Variants in CRYL1 observed in about 807,000 individuals in gnomAD.
CRYL1 encodes the protein crystallin lambda 1.
A neutral mutation model predicts 36.6 loss-of-function variants in CRYL1; 29 were observed. That is an observed-to-expected ratio of 0.79 (90% CI 0.59 to 1.08). The LOEUF (loss-of-function observed/expected upper bound fraction) is 1.08, where lower values mean the gene tolerates loss of function less well. CRYL1 is among the 50% of genes least tolerant of loss of function. CRYL1 has a pLI of 0.00. For synonymous variants in CRYL1, 152 were observed against 151.5 expected, an observed-to-expected ratio of 1.00 and a Z score of -0.02; for missense variants, 411 against 407.9, an observed-to-expected ratio of 1.01 and a Z score of -0.06.
At chr13:20,460,419 C>A (rs976511759) in intron 3 of CRYL1, among the ~76,000 whole-genome samples, 2 of 150,236 alleles carry the variant, frequency 1.3e-5, no homozygotes, top group Non-Finnish European at 3.0e-5. Context: ...ACTTGCAGGA[C>A]AATGTAGAAT....
At chr13:20,497,332 AC>A in intron 2 of CRYL1, among the ~76,000 whole-genome samples, 2 of 46,190 alleles carry the variant, frequency 4.3e-5, no homozygotes. Context: ...CACACACACC[AC>A]CACACACACT....
Position 20,435,631 on chromosome 13 carries a change from G to T in CRYL1, c.439-3335C>A, listed in dbSNP as rs893092538. On this transcript the variant is annotated intron_variant, in intron 4 of 7. Transcript: ENST00000298248. The surrounding 1 kb of genome is among the most constrained non-coding windows in gnomAD (Gnocchi z 4.0). ...CCCGCCCCAAACCTTCCATGTGGGA[G>T]TGTGCGAGGTGGACTCGGAAACACG... Among the ~76,000 whole-genome samples the T allele has an allele frequency of 6.6e-6, 1 of 152,208 alleles. No individual in the cohort carries two copies. The highest frequency in any genetic ancestry group is 1.5e-5 in the Non-Finnish European group (1 of 68,036).
intron 5 of CRYL1, chr13:20,431,074 T>C (rs2032047717): frequency 2.0e-6 from 2 of 985,408 alleles, no homozygotes; most frequent in Non-Finnish European, 2.4e-6. Context: ...TCAGACAATG[T>C]ACCTAACGGG....
intron 2 of CRYL1, among the ~76,000 whole-genome samples, chr13:20,505,448 A>T (rs762950439): frequency 6.6e-6 from 1 of 152,140 alleles, no homozygotes. Flanking sequence ...TGTATGAGGA[A>T]TATGACTGGA....
intron 5 of CRYL1, among the ~76,000 whole-genome samples, chr13:20,422,022 T>C (rs868377009): frequency 1.3e-5 from 2 of 152,106 alleles, no homozygotes; most frequent in African/African-American, 4.8e-5. Flanking sequence ...AATAATGGTA[T>C]AAAAATAGTC....
At chr13:20,519,765 C>T (rs2034063539) in intron 1 of CRYL1, among the ~76,000 whole-genome samples, 1 of 152,100 alleles carries the variant, frequency 6.6e-6, no homozygotes, top group Non-Finnish European at 1.5e-5. Flanking sequence ...AGCTAAGAAT[C>T]TTATTGACTA....
intron 6 of CRYL1, among the ~76,000 whole-genome samples, chr13:20,412,986 C>T (rs1485276902): frequency 6.6e-6 from 1 of 152,204 alleles, no homozygotes; most frequent in Non-Finnish European, 1.5e-5. Context: ...TTCCCTTCTG[C>T]CAGGCTGGGT....
chr13:20,421,638 C>T (rs1347701567), intron 5 of CRYL1, among the ~76,000 whole-genome samples: 1 of 152,120 alleles, frequency 6.6e-6, no homozygotes, highest in Non-Finnish European at 1.5e-5. Flanking sequence ...GGGCTCCTTA[C>T]CCCCATCCTC....
At chr13:20,428,919 G>T (rs1474166112) in intron 5 of CRYL1, among the ~76,000 whole-genome samples, 1 of 152,096 alleles carries the variant, frequency 6.6e-6, no homozygotes, top group African/African-American at 2.4e-5. Context: ...GGAGCATCCA[G>T]CTCTAATCCA....
At chr13:20,422,474 C>T (rs1439921241) in intron 5 of CRYL1, among the ~76,000 whole-genome samples, 1 of 152,142 alleles carries the variant, frequency 6.6e-6, no homozygotes, top group East Asian at 1.9e-4. Flanking sequence ...AACATCTGCA[C>T]TACTCTAGAG....
At chr13:20,497,201 C>A (rs1472631480) in intron 2 of CRYL1, among the ~76,000 whole-genome samples, 1 of 151,968 alleles carries the variant, frequency 6.6e-6, no homozygotes, top group Admixed American at 6.6e-5. Flanking sequence ...GCTACAGATA[C>A]CAGGGGCTTC....
intron 3 of CRYL1, among the ~76,000 whole-genome samples, chr13:20,485,400 T>C (rs1209437703): frequency 6.6e-6 from 1 of 151,916 alleles, no homozygotes; most frequent in African/African-American, 2.4e-5. Context: ...CAATGGTTCA[T>C]GCCTGTAATC....
rs1430439997 is a variant in CRYL1, at chr13:20,436,663, G to A, written c.438+2930C>T. Among the ~76,000 whole-genome samples, 3 of 152,266 alleles carry A rather than the reference G, an allele frequency of 2.0e-5. No individual in the cohort carries two copies. The East Asian group carries it at 5.8e-4, about 29-fold the overall frequency. ...ACTCCTGCGCTGGGAGTACGAGCCC[G>A]CCTGGCCAGCGCCTTTCCCCACTCA... On this transcript the variant is annotated intron_variant, in intron 4 of 7. Transcript: ENST00000298248.
chr13:20,449,793 C>T (rs900427272), intron 3 of CRYL1, among the ~76,000 whole-genome samples: 9 of 152,108 alleles, frequency 5.9e-5, no homozygotes, highest in African/African-American at 1.9e-4. Flanking sequence ...TTTTTATACA[C>T]CAATAATCTT....
At position 20,415,344 on chromosome 13, in the gene CRYL1, G is replaced by C. The variant is rs1002924952; in HGVS notation, c.634-1957C>G. ...CAGGGCAGCCCCAGGGGTCCCCCGA[G>C]AAGCGAGAAAAGGGGTTCGAAACCC... On this transcript the variant is annotated intron_variant, in intron 5 of 7. Coordinates refer to ENST00000298248, the MANE Select transcript of CRYL1 (RefSeq NM_015974.3). This position sits in a 1 kb window ranked among gnomAD's most constrained non-coding sequence, Gnocchi z 4.1. Among the ~76,000 whole-genome samples the C allele has an allele frequency of 1.3e-5, 2 of 152,138 alleles. No homozygotes were observed. Among genetic ancestry groups the C allele is most frequent in the Non-Finnish European group, 2.9e-5 (2 of 68,000 alleles).
intron 2 of CRYL1, among the ~76,000 whole-genome samples, chr13:20,490,177 G>A (rs1397140527): frequency 6.6e-6 from 1 of 152,176 alleles, no homozygotes; most frequent in Non-Finnish European, 1.5e-5. Context: ...GATCACTTGA[G>A]GTCAGCAGTT....
In CRYL1 at chr13:20,404,023, G is replaced by T; in HGVS notation, c.*106C>A. On this transcript the variant is annotated 3_prime_UTR_variant, in exon 8 of 8. Coordinates refer to ENST00000298248, the MANE Select transcript of CRYL1 (RefSeq NM_015974.3). ...GGCTGCACACAAGACAGCCAGCTTA[G>T]GATCTCCGTGGGCTGCTACCTATGT... The T allele has an allele frequency of 1.3e-6, 1 of 765,402 alleles. No homozygotes were observed. 47.4% of individuals were successfully genotyped at this position (765,402 alleles called of 1,614,324 possible).
chr13:20,441,316 C>G (rs997209099), intron 3 of CRYL1, among the ~76,000 whole-genome samples: 27 of 152,218 alleles, frequency 1.8e-4, no homozygotes, highest in African/African-American at 6.0e-4. Flanking sequence ...TTCCAGGCAT[C>G]TGCAGTTCTA....
intron 2 of CRYL1, among the ~76,000 whole-genome samples, chr13:20,507,115 G>A (rs747792260): frequency 1.2e-4 from 18 of 152,284 alleles, no homozygotes; most frequent in East Asian, 1.9e-4. Context: ...CTCCCCAGCC[G>A]CGTGAACTAT....
Sources: allele counts gnomAD v4.1 joint callset (sites outside exome capture counted in the v4.1 genomes callset), GRCh38; gene constraint gnomAD v4.1.1; non-coding constraint Gnocchi (gnomAD v3.1); transcripts MANE v1.5; gene names NCBI Gene and HGNC (gene_info 2026-07-23, HGNC 2026-07-21).